The following POLDIP3 variants were observed in gnomAD, a reference collection of about 807,000 sequenced individuals.
POLDIP3 encodes DNA polymerase delta interacting protein 3.
POLDIP3 carries 14 observed loss-of-function variants against 45.1 expected under a neutral mutation model. That is an observed-to-expected ratio of 0.31 (90% confidence interval 0.20 to 0.49). The LOEUF (loss-of-function observed/expected upper bound fraction) is 0.49, where lower values mean the gene tolerates loss of function less well. Among genes scored for constraint, POLDIP3 ranks in the 20% least tolerant of loss-of-function variants. POLDIP3 has a pLI of 0.99. For missense variants in POLDIP3, 511 were observed against 538.8 expected (o/e 0.95, Z 0.51); for synonymous variants, 223 against 205.2 (o/e 1.09, Z -0.74).
At chr22:42,607,759 G>A (rs1313192409) in intron 1 of POLDIP3, among the ~76,000 whole-genome samples, 6 of 139,072 alleles carry the variant, frequency 4.3e-5, no homozygotes, top group East Asian at 2.1e-4. Context: ...GCCCGGCCGC[G>A]ACCCCATCTG....
rs963446906 is a variant in POLDIP3, at chr22:42,595,694, A to G, written c.814-80T>C. 3.0e-6 allele frequency: 4 copies of G among 1,315,274 alleles called. No homozygotes were observed. In the South Asian group the frequency reaches 4.7e-5, roughly 16 times the overall value. 81.5% of individuals were successfully genotyped at this position (1,315,274 alleles called of 1,614,324 possible). Reference sequence around the variant, plus strand: ...CAACAGAAATTCCTCCAGGCACGTGACTAGGAAGGCCCAGAGGAAAGCTCC... The same window carrying G: ...CAACAGAAATTCCTCCAGGCACGTGGCTAGGAAGGCCCAGAGGAAAGCTCC... On this transcript the variant is annotated intron_variant, in intron 5 of 8. Transcript: ENST00000252115.
rs143848297 is a variant in POLDIP3 at position 42,614,858 on chromosome 22, C to T, written c.-1G>A. The T allele has an allele frequency of 1.5e-5, 25 of 1,613,750 alleles. No homozygotes were observed. The highest frequency in any genetic ancestry group is 5.3e-5 in the African/African-American group (4 of 74,946). Reference sequence around the variant, plus strand: ...GTTCGTCCAGGGAGATGTCCGCCATCTTGCTCCGCCGAGCAAGCCGAAAGC... The same window carrying T: ...GTTCGTCCAGGGAGATGTCCGCCATTTTGCTCCGCCGAGCAAGCCGAAAGC... On this transcript the variant is annotated 5_prime_UTR_variant, in exon 1 of 9. Transcript: ENST00000252115.
chr22:42,602,180 G>C, intron 2 of POLDIP3, 124 bp from the exon 3 acceptor site: 1 of 1,448,478 alleles, frequency 6.9e-7, no homozygotes, highest in Non-Finnish European at 9.4e-7. Context: ...AGGCACTACA[G>C]AGGGCCTTAT....
At chr22:42,593,432 T>C (rs1925792215) in intron 6 of POLDIP3, among the ~76,000 whole-genome samples, 1 of 152,226 alleles carries the variant, frequency 6.6e-6, no homozygotes, top group African/African-American at 2.4e-5. Flanking sequence ...TTTCCACCAT[T>C]ATGTATCTTC....
chr22:42,597,401 A>G (rs113354217), intron 4 of POLDIP3, among the ~76,000 whole-genome samples: 2,353 of 152,244 alleles, frequency 0.015, 52 homozygotes, highest in African/African-American at 0.055. Flanking sequence ...GCTGAATTCC[A>G]CATTCCTCAT....
intron 7 of POLDIP3, among the ~76,000 whole-genome samples, chr22:42,590,479 C>T (rs1156911673): frequency 3.9e-5 from 6 of 152,150 alleles, no homozygotes; most frequent in Admixed American, 1.3e-4. Context: ...CCACCACACC[C>T]GGCTGTACAG....
At chr22:42,599,314 T>A (rs1416939395) in intron 4 of POLDIP3, among the ~76,000 whole-genome samples, 1 of 152,188 alleles carries the variant, frequency 6.6e-6, no homozygotes, top group Non-Finnish European at 1.5e-5. Context: ...ATTGAAAGGC[T>A]CTATTCACGC....
At chr22:42,610,493 T>C (rs1569306838) in intron 1 of POLDIP3, among the ~76,000 whole-genome samples, 1 of 152,164 alleles carries the variant, frequency 6.6e-6, no homozygotes, top group Non-Finnish European at 1.5e-5. Flanking sequence ...CATTCAAGGC[T>C]GCCACACTGA....
chr22:42,597,777 CCT>C (rs1423917461), intron 4 of POLDIP3: 6 of 442,492 alleles, frequency 1.4e-5, no homozygotes, highest in Non-Finnish European at 2.3e-5. Context: ...AGCTTCACGA[CCT>C]CTTTTTTTTT....
rs1925197881 is a variant in POLDIP3, at chr22:42,584,922, G to A, written c.*869C>T. 2 of 456,184 alleles carry A rather than the reference G, an allele frequency of 4.4e-6. No homozygotes were observed. The highest frequency in any genetic ancestry group is 2.3e-5 in the Admixed American group (1 of 42,564). 28.3% of individuals were successfully genotyped at this position (456,184 alleles called of 1,614,324 possible). On this transcript the variant is annotated 3_prime_UTR_variant, in exon 9 of 9. Transcript: ENST00000252115. Reference sequence around the variant, plus strand: ...CAAACCCAAGCACTGCACAATGGGAGGCTGAGCCTTTCAAAGGCCCAACCA... The same window carrying A: ...CAAACCCAAGCACTGCACAATGGGAAGCTGAGCCTTTCAAAGGCCCAACCA...
At chr22:42,595,728 T>C (rs2037718865) in intron 5 of POLDIP3, 114 bp from the exon 6 acceptor site, 2 of 896,750 alleles carry the variant, frequency 2.2e-6, no homozygotes, top group Non-Finnish European at 3.6e-6. Context: ...CCATGGAGAG[T>C]TACCACAAAT....
chr22:42,604,762 T>C (rs912254573), intron 1 of POLDIP3, among the ~76,000 whole-genome samples: 2 of 152,122 alleles, frequency 1.3e-5, no homozygotes, highest in Non-Finnish European at 2.9e-5. Flanking sequence ...ATCCCTCAAA[T>C]AATGGAAAAA....
intron 1 of POLDIP3, among the ~76,000 whole-genome samples, chr22:42,608,082 G>A (rs981101306): frequency 3.3e-5 from 5 of 152,238 alleles, no homozygotes; most frequent in African/African-American, 1.2e-4. Context: ...CATTGAGAAC[G>A]GGCCATGAAG....
chr22:42,585,604 G>C lies in POLDIP3; in HGVS notation c.*187C>G, dbSNP rs1011459290. ...ATACTACAGGAAACGTTAACGTAGA[G>C]AGAAGAGCACAGGGCAGAACACAAC... On this transcript the variant is annotated 3_prime_UTR_variant, in exon 9 of 9. Coordinates refer to ENST00000252115, the MANE Select transcript of POLDIP3 (RefSeq NM_032311.5). The C allele has an allele frequency of 1.5e-6, 1 of 660,048 alleles. No individual in the cohort carries two copies. Among genetic ancestry groups the C allele is most frequent in the Non-Finnish European group, 2.6e-6 (1 of 381,612 alleles). The allele number at this position is 660,048 out of a possible 1,614,324, so 40.9% of individuals were successfully genotyped here.
chr22:42,598,312 C>T (rs979810477), intron 4 of POLDIP3, among the ~76,000 whole-genome samples: 6 of 144,668 alleles, frequency 4.1e-5, no homozygotes, highest in South Asian at 4.3e-4. Flanking sequence ...AGTGCAGTGG[C>T]GCCTCTTGGC....
chr22:42,600,574 C>CAA (rs1926295927), intron 3 of POLDIP3, among the ~76,000 whole-genome samples: 1 of 150,688 alleles, frequency 6.6e-6, no homozygotes, highest in Admixed American at 6.6e-5. Flanking sequence ...TGCAGTGAGC[C>CAA]GAGATCGTGC....
chr22:42,611,907 A>G (rs1927142434), intron 1 of POLDIP3, among the ~76,000 whole-genome samples: 1 of 152,104 alleles, frequency 6.6e-6, no homozygotes, highest in Admixed American at 6.6e-5. Context: ...ATAAAAATAA[A>G]CTTACTGCAG....
At chr22:42,596,838 G>A (rs1383894294) in intron 4 of POLDIP3, among the ~76,000 whole-genome samples, 1 of 152,100 alleles carries the variant, frequency 6.6e-6, no homozygotes, top group East Asian at 1.9e-4. Context: ...GGGCAACACA[G>A]TGAGACCTCA....
intron 7 of POLDIP3, 132 bp downstream of exon 7, chr22:42,591,823 A>G (rs763667989): frequency 4.2e-6 from 5 of 1,192,398 alleles, no homozygotes; most frequent in Non-Finnish European, 6.0e-6. Flanking sequence ...ACTGCACGGC[A>G]GTTCCTGGTG....
Sources: allele counts gnomAD v4.1 joint callset (sites outside exome capture counted in the v4.1 genomes callset), GRCh38; gene constraint gnomAD v4.1.1; transcripts MANE v1.5; gene names NCBI Gene and HGNC (gene_info 2026-07-23, HGNC 2026-07-21).